The following LRCH3 variants were observed in gnomAD, a reference collection of about 807,000 sequenced individuals.
LRCH3 encodes DISP complex protein LRCH3.
In LRCH3, 68 loss-of-function variants were observed where a neutral mutation model predicts 104.5. That is an observed-to-expected ratio of 0.65 (90% confidence interval 0.54 to 0.80). The LOEUF is 0.80. Among genes scored for constraint, LRCH3 ranks in the 30% least tolerant of loss-of-function variants. LRCH3 has a pLI of 0.00. For synonymous variants in LRCH3, 344 were observed against 361.3 expected (o/e 0.95, Z 0.54); for missense variants, 951 against 953.9 (o/e 1.00, Z 0.04).
chr3:197,834,805 A>G (rs1388715877), intron 8 of LRCH3, among the ~76,000 whole-genome samples: 19 of 152,218 alleles, frequency 1.2e-4, no homozygotes. Flanking sequence ...ACTAGGACTA[A>G]GGTTTTCTGG....
intron 1 of LRCH3, among the ~76,000 whole-genome samples, chr3:197,794,580 G>A (rs1011958036): frequency 6.6e-6 from 1 of 152,214 alleles, no homozygotes; most frequent in African/African-American, 2.4e-5. Flanking sequence ...TGTGTAGCAT[G>A]TACATGGTAG....
At chr3:197,858,129 A>G (rs546310345) in intron 14 of LRCH3, among the ~76,000 whole-genome samples, 2 of 152,262 alleles carry the variant, frequency 1.3e-5, no homozygotes, top group South Asian at 2.1e-4. Flanking sequence ...TCCACTCTCC[A>G]TGTGGCAAAT....
At chr3:197,817,351 T>TGTGC in intron 3 of LRCH3, 49 bp downstream of exon 3, 1 of 159,628 alleles carries the variant, frequency 6.3e-6, no homozygotes, top group Non-Finnish European at 8.0e-6. Context: ...TGTGTCTGTG[T>TGTGC]GTGTGTGTGT....
At chr3:197,875,115 G>C (rs1279825962) in intron 19 of LRCH3, among the ~76,000 whole-genome samples, 4 of 152,004 alleles carry the variant, frequency 2.6e-5, no homozygotes, top group African/African-American at 9.7e-5. Context: ...ATTATTAGTA[G>C]AGACGGGGTT....
At chr3:197,803,611 G>A (rs972147613) in intron 1 of LRCH3, among the ~76,000 whole-genome samples, 2 of 151,750 alleles carry the variant, frequency 1.3e-5, no homozygotes, top group Non-Finnish European at 2.9e-5. Context: ...GTTGCAGTGA[G>A]CTGAGATTGC....
At chr3:197,849,014 G>A (rs949012668) in intron 12 of LRCH3, among the ~76,000 whole-genome samples, 4 of 151,996 alleles carry the variant, frequency 2.6e-5, no homozygotes, top group Non-Finnish European at 5.9e-5. Flanking sequence ...CTGTAGTCCC[G>A]GCACTTTGAG....
At chr3:197,866,299 A>G in intron 17 of LRCH3, 80 bp downstream of exon 17, 1 of 949,856 alleles carries the variant, frequency 1.1e-6, no homozygotes, top group East Asian at 2.4e-5. Context: ...ATGCTTTTAA[A>G]CTTCTGCATA....
chr3:197,864,623 A>C lies in LRCH3; in HGVS notation c.1717-800A>C, dbSNP rs201325086. On this transcript the variant is annotated intron_variant, in intron 15 of 20. Coordinates refer to ENST00000425562, the MANE Select transcript of LRCH3 (RefSeq NM_001365715.1). ...TAAACTCCATCTCAAAAAAAAAAAA[A>C]CAAAAAACAAAAAAACAAAAACTTG... Among the ~76,000 whole-genome samples, 14 of 150,244 alleles carry C rather than the reference A, an allele frequency of 9.3e-5. No individual in the cohort carries two copies. The South Asian group carries it at 1.9e-3, about 20-fold the overall frequency.
intron 1 of LRCH3, among the ~76,000 whole-genome samples, chr3:197,795,603 T>C (rs1323586190): frequency 6.6e-6 from 1 of 150,990 alleles, no homozygotes; most frequent in African/African-American, 2.4e-5. Context: ...CCGCCATGCC[T>C]AAAGTCAGTG....
intron 8 of LRCH3, among the ~76,000 whole-genome samples, chr3:197,835,024 A>G (rs969216551): frequency 4.6e-5 from 7 of 152,034 alleles, no homozygotes; most frequent in African/African-American, 7.2e-5. Flanking sequence ...CACACCTGTA[A>G]TCCCAGCTAC....
intron 12 of LRCH3, among the ~76,000 whole-genome samples, chr3:197,851,852 G>A (rs992710929): frequency 2.0e-5 from 3 of 152,192 alleles, no homozygotes; most frequent in African/African-American, 7.2e-5. Flanking sequence ...TTTGGAGGCT[G>A]AAAGATGGTT....
intron 8 of LRCH3, among the ~76,000 whole-genome samples, chr3:197,833,245 C>G (rs778186196): frequency 6.6e-6 from 1 of 151,338 alleles, no homozygotes; most frequent in African/African-American, 2.4e-5. Context: ...TTAGGCTGGG[C>G]GTGGTGGCTC....
intron 2 of LRCH3, among the ~76,000 whole-genome samples, chr3:197,816,783 A>G (rs1733851120): frequency 6.6e-6 from 1 of 152,174 alleles, no homozygotes; most frequent in East Asian, 1.9e-4. Flanking sequence ...AGTTTTGTTT[A>G]TAATCTTCAG....
chr3:197,872,690 C>T (rs1182182540), intron 19 of LRCH3, among the ~76,000 whole-genome samples: 1 of 152,126 alleles, frequency 6.6e-6, no homozygotes, highest in Non-Finnish European at 1.5e-5. Context: ...AACCCCAACT[C>T]TACTAAAAAT....
chr3:197,799,297 T>A (rs1731608990), intron 1 of LRCH3, among the ~76,000 whole-genome samples: 1 of 152,206 alleles, frequency 6.6e-6, no homozygotes, highest in African/African-American at 2.4e-5. Context: ...ATATCCCAGG[T>A]GCGCTTGGGA....
chr3:197,883,229 G>A lies in LRCH3; in HGVS notation c.2209-312G>A. 9.5e-7 allele frequency: 1 copy of A among 1,057,840 alleles called. No homozygotes were observed. Among genetic ancestry groups the A allele is most frequent in the Non-Finnish European group, 1.1e-6 (1 of 875,788 alleles). The allele number at this position is 1,057,840 out of a possible 1,614,324, so 65.5% of individuals were successfully genotyped here. On this transcript the variant is annotated intron_variant, in intron 20 of 20. Coordinates refer to ENST00000425562, the MANE Select transcript of LRCH3 (RefSeq NM_001365715.1). The surrounding 1 kb of genome is among the most constrained non-coding windows in gnomAD (Gnocchi z 4.2). ...CCTGTATTGACCTTTTATTCATCAGGGATAAAGGATGTTGCTTTCACCCTG... is the reference window on the plus strand; with the variant it reads ...CCTGTATTGACCTTTTATTCATCAGAGATAAAGGATGTTGCTTTCACCCTG...
At chr3:197,879,423 G>T (rs1237234705) in intron 20 of LRCH3, among the ~76,000 whole-genome samples, 1 of 151,606 alleles carries the variant, frequency 6.6e-6, no homozygotes, top group Non-Finnish European at 1.5e-5. Flanking sequence ...GAGGTGGGCG[G>T]ATCACGAGGT....
chr3:197,870,798 AGTGCCCATTGT>A, intron 18 of LRCH3, among the ~76,000 whole-genome samples: 1 of 152,280 alleles, frequency 6.6e-6, no homozygotes, highest in South Asian at 2.1e-4. Flanking sequence ...AGATTAAATG[AGTGCCCATTGT>A]GTGCCATGTT....
At chr3:197,850,711 G>A (rs1385866473) in intron 12 of LRCH3, 10 of 1,412,930 alleles carry the variant, frequency 7.1e-6, no homozygotes, top group East Asian at 2.3e-5. Flanking sequence ...CTGGGCCACC[G>A]ACCTTGTGTC....
Sources: gnomAD v4.1 joint callset for allele counts (sites outside exome capture counted in the v4.1 genomes callset) on GRCh38, gnomAD v4.1.1 for gene constraint, Gnocchi (gnomAD v3.1) non-coding constraint, MANE v1.5 for transcripts, NCBI Gene and HGNC (gene_info 2026-07-23, HGNC 2026-07-21) for gene names.